The following HEATR4 variants were observed in gnomAD, a reference collection of about 807,000 sequenced individuals.
HEATR4 encodes HEAT repeat-containing protein 4.
A neutral mutation model predicts 108.8 loss-of-function variants in HEATR4; 95 were observed. The ratio of observed to expected loss-of-function variants is 0.87; its 90% CI spans 0.74 to 1.04. HEATR4 has a LOEUF of 1.04. Ranked by LOEUF, HEATR4 falls within the 50% of genes least tolerant of loss-of-function variation. The pLI is 0.00. For synonymous variants in HEATR4, 443 were observed against 459.4 expected (o/e 0.96, Z 0.46); for missense variants, 1,152 against 1,253.8 (o/e 0.92, Z 1.23).
chr14:73,585,699 AAAAT>A, the HEATR4 span, among the ~76,000 whole-genome samples: 1 of 103,908 alleles, frequency 9.6e-6, no homozygotes, highest in African/African-American at 8.2e-5. Context: ...CAAAAAAATT[AAAAT>A]AAAAAAGTAC....
the HEATR4 span, among the ~76,000 whole-genome samples, chr14:73,590,063 TAGAACAAACCTTCCCGCAACGTAGAAA>T: frequency 6.6e-6 from 1 of 152,094 alleles, no homozygotes; most frequent in Non-Finnish European, 1.5e-5. Context: ...CAAAACTAAA[TAGAACAAACCTTCCCGCAACGTAGAAA>T]AGAACCCCAA....
the HEATR4 span, chr14:73,612,758 G>T: frequency 7.3e-7 from 1 of 1,372,640 alleles, no homozygotes; most frequent in Non-Finnish European, 9.3e-7. Flanking sequence ...GCTGGACCTG[G>T]AGCGCGCGCC....
At chr14:73,575,283 GGGA>G in the HEATR4 span, 4 of 839,888 alleles carry the variant, frequency 4.8e-6, no homozygotes, top group Non-Finnish European at 6.9e-6. Flanking sequence ...GCAGGCCCAT[GGGA>G]GGAGAAAGCC....
chr14:73,492,366 T>A lies in HEATR4; in HGVS notation c.2844+700A>T. ...GCTGCAATGGAAGAAAATGTGGAGT[T>A]TCGGAGGGGTCTGCCCCGAGACTTC... is the stretch of plus-strand genomic sequence containing the variant. On this transcript the variant is annotated intron_variant, in intron 17 of 17. Coordinates refer to ENST00000553558, the MANE Select transcript of HEATR4 (RefSeq NM_001220484.1). This position sits in a 1 kb window ranked among gnomAD's most constrained non-coding sequence, Gnocchi z 4.9. The A allele has an allele frequency of 6.2e-7, 1 of 1,613,848 alleles. No homozygotes were observed. Among genetic ancestry groups the A allele is most frequent in the Non-Finnish European group, 8.5e-7 (1 of 1,179,820 alleles).
At chr14:73,498,104 T>G (rs553585330) in intron 14 of HEATR4, 51 bp downstream of exon 14, 109 of 1,509,408 alleles carry the variant, frequency 7.2e-5, no homozygotes, top group Middle Eastern at 2.4e-4. Context: ...AGCAAAGATG[T>G]GAGAGTTGGC....
upstream of HEATR4, among the ~76,000 whole-genome samples, chr14:73,561,469 C>T (rs1412912259): frequency 5.3e-5 from 8 of 152,048 alleles, no homozygotes; most frequent in Admixed American, 5.2e-4. Flanking sequence ...GGACAGATTA[C>T]TCAAGGTCAG....
the HEATR4 span, among the ~76,000 whole-genome samples, chr14:73,607,911 A>G: frequency 6.6e-6 from 1 of 151,784 alleles, no homozygotes; most frequent in African/African-American, 2.4e-5. Flanking sequence ...GGCATGAGCC[A>G]CCATGCCCAG....
chr14:73,596,644 G>A, the HEATR4 span: 2 of 152,060 alleles, frequency 1.3e-5, no homozygotes, highest in Non-Finnish European at 2.9e-5. Context: ...TGTTGCCCAG[G>A]CTGGAGTGCA....
chr14:73,574,083 C>T, the HEATR4 span, among the ~76,000 whole-genome samples: 1 of 151,196 alleles, frequency 6.6e-6, no homozygotes, highest in Non-Finnish European at 1.5e-5. Flanking sequence ...GTTGGCCAGG[C>T]TGGTCTCAAA....
Position 73,500,724 on chromosome 14 carries a change from C to G in HEATR4, c.2112G>C (p.Lys704Asn). The change falls in exon 12 of 18, where the codon AAG (lysine) becomes AAC (asparagine). Residue 704 changes from lysine (K) to asparagine (N), a missense_variant. Coordinates refer to ENST00000553558, the MANE Select transcript of HEATR4 (RefSeq NM_001220484.1). ...GCTCCTGGGAATTTCCTTGACCTAG[C>G]TTGACCCTGTAAGGCACAAGTTGCT... is the stretch of plus-strand genomic sequence containing the variant. The part of the protein sequence containing the change: ...GKEVHDIIRV[K>N]LGQGNSQERV... 1 of 1,613,344 alleles carries G rather than the reference C, an allele frequency of 6.2e-7. No individual in the cohort carries two copies. The highest frequency in any genetic ancestry group is 1.1e-5 in the South Asian group (1 of 91,048).
chr14:73,592,366 G>A, the HEATR4 span: 21 of 1,578,094 alleles, frequency 1.3e-5, no homozygotes, highest in South Asian at 1.8e-4. Flanking sequence ...GGGGTGCGGC[G>A]CCAGTCGGTG....
the HEATR4 span, among the ~76,000 whole-genome samples, chr14:73,621,583 A>G: frequency 6.6e-6 from 1 of 152,214 alleles, no homozygotes; most frequent in South Asian, 2.1e-4. Flanking sequence ...TTCACGGCAC[A>G]TCCCATGATT....
In HEATR4 at chr14:73,552,981, T is replaced by C. The variant is rs1402438147; in HGVS notation, c.-152+5770A>G. ...TTTCCCCGACCCAAGCACACACTAT[T>C]CGGCATTCCTGACTCCCACTGTTCC... On this transcript the variant is annotated intron_variant, in intron 1 of 17. Coordinates refer to ENST00000553558, the MANE Select transcript of HEATR4 (RefSeq NM_001220484.1). 3.0e-4 allele frequency among the ~76,000 whole-genome samples: 34 copies of C among 114,090 alleles called. 11 individuals carry two copies. The highest frequency in any genetic ancestry group is 5.2e-4 in the Non-Finnish European group (27 of 51,810). 74.8% of individuals were successfully genotyped at this position (114,090 alleles called of 152,430 possible).
Position 73,502,876 on chromosome 14 carries a change from C to T in HEATR4, c.2105+19G>A. The T allele has an allele frequency of 6.4e-7, 1 of 1,573,472 alleles. No individual in the cohort carries two copies. The highest frequency in any genetic ancestry group is 1.1e-5 in the South Asian group (1 of 90,204). On this transcript the variant is annotated intron_variant, in intron 11 of 17. Transcript: ENST00000553558. The stretch of plus-strand genomic sequence containing the variant: ...CTAAGAATTTAGAAGAGTGTCTCCT[C>T]ATGTTGACTGGGTCTTACCTGATTA...
the HEATR4 span, chr14:73,592,054 T>A: frequency 2.0e-6 from 3 of 1,478,026 alleles, no homozygotes; most frequent in African/African-American, 3.0e-5. Flanking sequence ...GAGCAGCGGG[T>A]TACGCTGCGC....
At position 73,511,644 on chromosome 14, in the gene HEATR4, G is replaced by T. The variant is rs1002006127; in HGVS notation, c.1558+362C>A. On this transcript the variant is annotated intron_variant, in intron 7 of 17. Transcript: ENST00000553558. ...AATCCCAGCAGTTTGGGAGGTTAAG[G>T]TGGGAGGATTACTTGAGGCCAGGAG... 2.0e-5 allele frequency among the ~76,000 whole-genome samples: 3 copies of T among 152,248 alleles called. No homozygotes were observed. In the East Asian group the frequency reaches 5.8e-4, roughly 29 times the overall value.
Position 73,509,488 on chromosome 14 carries a change from G to A in HEATR4, c.1559-15C>T. The A allele has an allele frequency of 6.2e-7, 1 of 1,613,164 alleles. No individual in the cohort carries two copies. The highest frequency in any genetic ancestry group is 8.5e-7 in the Non-Finnish European group (1 of 1,179,788). On this transcript the variant is annotated splice_polypyrimidine_tract_variant and intron_variant, in intron 7 of 17. Coordinates refer to ENST00000553558, the MANE Select transcript of HEATR4 (RefSeq NM_001220484.1). ...GATGGTCTTGTCTGTGATCAAAAGAGCCAGGTAAGAGAGTACTAGCCCCTT... is the reference window on the plus strand; with the variant it reads ...GATGGTCTTGTCTGTGATCAAAAGAACCAGGTAAGAGAGTACTAGCCCCTT...
At chr14:73,480,597 T>C (rs1185126695) in intron 17 of HEATR4, among the ~76,000 whole-genome samples, 1 of 152,186 alleles carries the variant, frequency 6.6e-6, no homozygotes, top group Non-Finnish European at 1.5e-5. Flanking sequence ...ACAAAGTAAG[T>C]CTGACCTGTA....
At chr14:73,592,220 G>A in the HEATR4 span, 2 of 1,612,972 alleles carry the variant, frequency 1.2e-6, no homozygotes, top group East Asian at 2.2e-5. Flanking sequence ...TGGAACCCGA[G>A]AAGCCTTTTT....
Sources: gnomAD v4.1 joint callset for allele counts (sites outside exome capture counted in the v4.1 genomes callset) on GRCh38, gnomAD v4.1.1 for gene constraint, Gnocchi (gnomAD v3.1) non-coding constraint, MANE v1.5 for transcripts, NCBI Gene and HGNC (gene_info 2026-07-23, HGNC 2026-07-21) for gene names.